Variants in WNK2 observed in about 807,000 individuals in gnomAD.
WNK2 encodes the protein serine/threonine-protein kinase WNK2.
Under a neutral mutation model 192.1 loss-of-function variants are expected in WNK2, and 67 were observed. The ratio of observed to expected loss-of-function variants is 0.35; its 90% confidence interval spans 0.29 to 0.43. The LOEUF (loss-of-function observed/expected upper bound fraction) is 0.43. Ranked by LOEUF, WNK2 falls within the 20% of genes least tolerant of loss-of-function variation. WNK2 has a pLI of 1.00. For missense variants in WNK2, 2,698 were observed against 3,089.7 expected (o/e 0.87, Z 3.01); for synonymous variants, 1,439 against 1,393.9 (o/e 1.03, Z -0.72).
chr9:93,238,812 C>T (rs573026183), intron 6 of WNK2, among the ~76,000 whole-genome samples: 27 of 152,154 alleles, frequency 1.8e-4, no homozygotes, highest in Admixed American at 4.6e-4. Flanking sequence ...GGCCTGGAAC[C>T]GCTCCACAAA....
At chr9:93,240,578 G>A (rs1367354652) in intron 7 of WNK2, among the ~76,000 whole-genome samples, 1 of 152,126 alleles carries the variant, frequency 6.6e-6, no homozygotes, top group South Asian at 2.1e-4. Flanking sequence ...ATTGGAGGGG[G>A]CGCTGAGCCG....
chr9:93,304,727 G>A (rs1245476071), intron 26 of WNK2, among the ~76,000 whole-genome samples: 1 of 152,234 alleles, frequency 6.6e-6, no homozygotes, highest in Non-Finnish European at 1.5e-5. Context: ...CTGGAGAGGT[G>A]GACTAAGGAG....
At chr9:93,243,279 A>G (rs1002058997) in intron 7 of WNK2, among the ~76,000 whole-genome samples, 4 of 152,130 alleles carry the variant, frequency 2.6e-5, no homozygotes, top group Non-Finnish European at 4.4e-5. Context: ...CTTTTCATCC[A>G]CACGGAGACT....
At chr9:93,300,194 T>C (rs1290760743) in intron 26 of WNK2, 45 bp downstream of exon 26, 1 of 1,510,340 alleles carries the variant, frequency 6.6e-7, no homozygotes, top group Non-Finnish European at 9.2e-7. Flanking sequence ...TGGCCCTTGG[T>C]TTTCTCCCCC....
intron 23 of WNK2, among the ~76,000 whole-genome samples, chr9:93,297,044 T>C (rs1487687722): frequency 1.2e-5 from 1 of 85,096 alleles, no homozygotes; most frequent in Non-Finnish European, 2.2e-5. Context: ...TCCTTTCACC[T>C]TCCTCCCCTC....
intron 19 of WNK2, among the ~76,000 whole-genome samples, chr9:93,274,260 C>T (rs1238808582): frequency 3.9e-5 from 6 of 152,172 alleles, no homozygotes; most frequent in Admixed American, 6.5e-5. Flanking sequence ...CAGTGGCTCA[C>T]GCCTGTAATC....
At position 93,267,738 on chromosome 9, in the gene WNK2, C is replaced by A; in HGVS notation, c.3697-8C>A. On this transcript the variant is annotated splice_region_variant and splice_polypyrimidine_tract_variant and intron_variant, in intron 16 of 29. Transcript: ENST00000427277. ...GCTGGTCCTCACTGGCAGTATGTCC[C>A]TTTGCAGGTGGAGCATGACTTTATC... The A allele has an allele frequency of 6.3e-7, 1 of 1,577,896 alleles. No individual in the cohort carries two copies. Among genetic ancestry groups the A allele is most frequent in the East Asian group, 2.3e-5 (1 of 43,408 alleles).
chr9:93,316,218 G>A (rs896338192), intron 28 of WNK2: 3 of 152,182 alleles, frequency 2.0e-5, no homozygotes, highest in Non-Finnish European at 4.4e-5. Context: ...TCTTTGCTCA[G>A]GAAAGACTTT....
At chr9:93,264,070 T>G (rs1460311927) in intron 16 of WNK2, 37 bp downstream of exon 16, 1 of 1,505,934 alleles carries the variant, frequency 6.6e-7, no homozygotes, top group Non-Finnish European at 9.2e-7. Flanking sequence ...TCCCGGTGTT[T>G]CTTGGACACG....
At chr9:93,266,157 G>A (rs1371288362) in intron 16 of WNK2, among the ~76,000 whole-genome samples, 3 of 152,200 alleles carry the variant, frequency 2.0e-5, no homozygotes, top group Non-Finnish European at 4.4e-5. Flanking sequence ...TGAAGGGTGG[G>A]TGTGTGGCCT....
intron 19 of WNK2, among the ~76,000 whole-genome samples, chr9:93,276,331 A>G (rs1454707840): frequency 1.3e-5 from 2 of 152,256 alleles, no homozygotes; most frequent in African/African-American, 4.8e-5. Context: ...TGCAAAAGCA[A>G]TCCAAGAAGA....
chr9:93,204,374 C>T (rs1044702318), intron 2 of WNK2, among the ~76,000 whole-genome samples: 6 of 152,182 alleles, frequency 3.9e-5, no homozygotes, highest in South Asian at 2.1e-4. Flanking sequence ...GTTACGGCTT[C>T]CAAGAGTCAG....
intron 2 of WNK2, among the ~76,000 whole-genome samples, chr9:93,203,105 G>A (rs1165592431): frequency 2.0e-5 from 3 of 152,086 alleles, no homozygotes; most frequent in Non-Finnish European, 4.4e-5. Context: ...TCTGCTGGAG[G>A]GGTGGGGCCC....
intron 4 of WNK2, among the ~76,000 whole-genome samples, chr9:93,231,600 CCAAG>C (rs1838820601): frequency 6.6e-6 from 1 of 152,210 alleles, no homozygotes; most frequent in Admixed American, 6.5e-5. Context: ...GCTGTGAGGC[CCAAG>C]GAAGTGAGAA....
At chr9:93,285,778 G>A (rs1016119056) in intron 19 of WNK2, among the ~76,000 whole-genome samples, 2 of 152,206 alleles carry the variant, frequency 1.3e-5, no homozygotes, top group Non-Finnish European at 2.9e-5. Context: ...TCTCCCAGAT[G>A]TTGTGACTCA....
chr9:93,203,027 G>A (rs1200490773), intron 2 of WNK2, among the ~76,000 whole-genome samples: 2 of 151,856 alleles, frequency 1.3e-5, no homozygotes, highest in Admixed American at 1.3e-4. Flanking sequence ...CAAGTGGGTG[G>A]CAGTGGAGGA....
chr9:93,281,573 C>G (rs1303801005), intron 19 of WNK2, among the ~76,000 whole-genome samples: 3 of 151,636 alleles, frequency 2.0e-5, no homozygotes, highest in African/African-American at 4.8e-5. Context: ...GGTCAAACAT[C>G]ATGTAATTGG....
chr9:93,315,175 A>C (rs1445053601), intron 28 of WNK2, among the ~76,000 whole-genome samples: 13 of 152,076 alleles, frequency 8.5e-5, no homozygotes, highest in Non-Finnish European at 2.9e-5. Context: ...TCTCCATCCC[A>C]CTTGTTCAAA....
intron 28 of WNK2, chr9:93,316,469 T>C (rs1854681370): frequency 6.6e-6 from 1 of 152,316 alleles, no homozygotes; most frequent in East Asian, 1.9e-4. Context: ...ATGTTATACC[T>C]CTTTCATTAA....
Sources: gnomAD v4.1 joint callset for allele counts (sites outside exome capture counted in the v4.1 genomes callset) on GRCh38, gnomAD v4.1.1 for gene constraint, MANE v1.5 for transcripts, NCBI Gene and HGNC (gene_info 2026-07-23, HGNC 2026-07-21) for gene names.